Variants in LCOR observed in about 807,000 individuals in gnomAD.
LCOR encodes ligand-dependent corepressor.
In LCOR, 14 loss-of-function variants were observed where a neutral mutation model predicts 64.4. The observed-to-expected ratio is 0.22, with a 90% CI of 0.14 to 0.34. The LOEUF is 0.34. LCOR is among the 10% of genes least tolerant of loss of function. LCOR has a pLI of 1.00. For missense variants in LCOR, 1,686 were observed against 1,765.3 expected (o/e 0.96, Z 0.80); for synonymous variants, 643 against 642.5 (o/e 1.00, Z -0.01).
In LCOR at chr10:96,895,010, T is replaced by C. The variant is rs1000467151; in HGVS notation, c.-329-12255T>C. On this transcript the variant is annotated intron_variant, in intron 2 of 7. Coordinates refer to ENST00000421806, the MANE Select transcript of LCOR (RefSeq NM_001346516.2). ...TCTTTCTAATCTTTAAACATTGGAA[T>C]GCTCCAGTATTTGGTCCTGTTGCTT... is the stretch of plus-strand genomic sequence containing the variant. Among the ~76,000 whole-genome samples the C allele has an allele frequency of 2.1e-4, 32 of 152,240 alleles. 1 individual carries two copies.
chr10:96,958,373 T>A lies in LCOR; in HGVS notation c.332+6177T>A, dbSNP rs753719246. On this transcript the variant is annotated intron_variant, in intron 7 of 7. Coordinates refer to ENST00000421806, the MANE Select transcript of LCOR (RefSeq NM_001346516.2). ...TGTCATTGTAGTGTACATGGAGTGA[T>A]CATTTTACTAACATAAATATTTTCT... 1.0e-5 allele frequency: 16 copies of A among 1,531,450 alleles called. 1 individual carries two copies. In the South Asian group the frequency reaches 1.9e-4, roughly 18 times the overall value. 94.9% of individuals were successfully genotyped at this position (1,531,450 alleles called of 1,614,324 possible).
chr10:96,862,689 C>G (rs1845907032), intron 2 of LCOR, among the ~76,000 whole-genome samples: 1 of 152,184 alleles, frequency 6.6e-6, no homozygotes, highest in Admixed American at 6.5e-5. Context: ...CTTGGTCTTC[C>G]TGGTGGCCAG....
chr10:96,934,745 G>A (rs534450609), intron 4 of LCOR, among the ~76,000 whole-genome samples: 1 of 152,244 alleles, frequency 6.6e-6, no homozygotes, highest in South Asian at 2.1e-4. Flanking sequence ...GGGATTACAG[G>A]CATGCGCCAC....
chr10:96,920,463 T>TATATATGTGTATATATATGTATATTC (rs1847034760), intron 4 of LCOR, among the ~76,000 whole-genome samples: 1 of 114,726 alleles, frequency 8.7e-6, no homozygotes, highest in East Asian at 1.9e-4. Context: ...TGTATATTCA[T>TATATATGTGTATATATATGTATATTC]ATATGTGTAT....
chr10:96,867,854 A>C (rs925549483), intron 2 of LCOR, among the ~76,000 whole-genome samples: 3 of 152,128 alleles, frequency 2.0e-5, no homozygotes, highest in African/African-American at 7.2e-5. Context: ...GCCTACTGGA[A>C]TTTTAACAAC....
rs891481171 is a variant in LCOR at position 96,865,610 on chromosome 10, C to T, written c.-330+32131C>T. Among the ~76,000 whole-genome samples the T allele has an allele frequency of 2.0e-5, 3 of 152,084 alleles. No homozygotes were observed. The East Asian group carries it at 5.8e-4, about 29-fold the overall frequency. On this transcript the variant is annotated intron_variant, in intron 2 of 7. Coordinates refer to ENST00000421806, the MANE Select transcript of LCOR (RefSeq NM_001346516.2). The stretch of plus-strand genomic sequence containing the variant: ...CACTTCTGAGCCAGGCGCGGTGGCT[C>T]ACGCCTGTAATCCCAGCACTTTGGG...
At chr10:96,852,367 A>C (rs1229746999) in intron 2 of LCOR, among the ~76,000 whole-genome samples, 1 of 152,202 alleles carries the variant, frequency 6.6e-6, no homozygotes, top group Admixed American at 6.5e-5. Flanking sequence ...GGTTGCAGTG[A>C]GCTGAGATGC....
At chr10:96,933,461 A>G (rs1003569197) in intron 4 of LCOR, among the ~76,000 whole-genome samples, 1 of 152,236 alleles carries the variant, frequency 6.6e-6, no homozygotes, top group South Asian at 2.1e-4. Context: ...AAAAGAACAC[A>G]AGTCCCTGGT....
intron 4 of LCOR, among the ~76,000 whole-genome samples, chr10:96,943,197 G>A (rs2134513471): frequency 6.6e-6 from 1 of 152,304 alleles, no homozygotes; most frequent in Non-Finnish European, 1.5e-5. Flanking sequence ...CTGGGTTCAA[G>A]CGATTCTCAT....
chr10:96,979,126 G>C (rs891822837), intron 7 of LCOR, among the ~76,000 whole-genome samples: 2 of 152,196 alleles, frequency 1.3e-5, no homozygotes, highest in African/African-American at 4.8e-5. Context: ...GTTGTCTAGG[G>C]TCAGCCTTCC....
chr10:96,955,303 C>G (rs535752430), intron 7 of LCOR: 1 of 1,614,058 alleles, frequency 6.2e-7, no homozygotes, highest in South Asian at 1.1e-5. Context: ...GCAGAAAACT[C>G]TGCCTTTCCA....
rs755663998 is a variant in LCOR, at chr10:96,983,338, C to T, written c.2878C>T (p.His960Tyr). 10 of 1,614,054 alleles carry T rather than the reference C, an allele frequency of 6.2e-6. No individual in the cohort carries two copies. Among genetic ancestry groups the T allele is most frequent in the Non-Finnish European group, 7.6e-6 (9 of 1,180,044 alleles). Residue 960 changes from histidine (H) to tyrosine (Y), a missense_variant, in exon 8 of 8, where the codon CAT becomes TAT. His to Tyr is a moderately conservative substitution (Grantham distance 83, BLOSUM62 2). Coordinates refer to ENST00000421806, the MANE Select transcript of LCOR (RefSeq NM_001346516.2). The surrounding 1 kb of genome is among the most constrained non-coding windows in gnomAD (Gnocchi z 4.5). ...VQSKMDEKNA[H>Y]IPSESIACKR... is the part of the protein sequence containing the mutation. ...GTCTAAAATGGATGAGAAGAATGCT[C>T]ATATCCCCTCAGAAAGTATTGCTTG...
At chr10:96,969,243 CGTT>C (rs1331777004) in intron 7 of LCOR, among the ~76,000 whole-genome samples, 8 of 152,120 alleles carry the variant, frequency 5.3e-5, no homozygotes, top group African/African-American at 1.9e-4. Context: ...AGAGTGAGGT[CGTT>C]GTGTTCATAT....
At chr10:96,906,321 A>C (rs900918913) in intron 2 of LCOR, among the ~76,000 whole-genome samples, 5 of 152,214 alleles carry the variant, frequency 3.3e-5, no homozygotes, top group Admixed American at 2.0e-4. Flanking sequence ...CTGAGAGTGC[A>C]TATGGATTCA....
chr10:96,921,742 G>T (rs1011673687), intron 4 of LCOR, among the ~76,000 whole-genome samples: 6 of 152,232 alleles, frequency 3.9e-5, no homozygotes, highest in Non-Finnish European at 8.8e-5. Flanking sequence ...AGGATTACTG[G>T]TGTAAGCCAC....
chr10:96,966,430 G>A lies in LCOR; in HGVS notation c.332+14234G>A, dbSNP rs535769570. On this transcript the variant is annotated intron_variant, in intron 7 of 7. Transcript: ENST00000421806. ...TTTTTAGTAGAAACGGGGTTTCACC[G>A]TGTTAGCCAAGATGGTATCGATCTC... 7.9e-5 allele frequency among the ~76,000 whole-genome samples: 12 copies of A among 151,758 alleles called. No homozygotes were observed. The South Asian group carries it at 2.1e-3, about 26-fold the overall frequency.
intron 2 of LCOR, among the ~76,000 whole-genome samples, chr10:96,883,827 A>G (rs936139105): frequency 1.3e-5 from 2 of 152,118 alleles, no homozygotes; most frequent in East Asian, 3.8e-4. Flanking sequence ...TTTTTAATTA[A>G]TGAATTATTT....
At chr10:96,919,548 A>G (rs1482269966) in intron 4 of LCOR, among the ~76,000 whole-genome samples, 1 of 152,094 alleles carries the variant, frequency 6.6e-6, no homozygotes, top group African/African-American at 2.4e-5. Flanking sequence ...AACCATATTT[A>G]GGTGTACAAG....
chr10:96,975,095 C>T (rs1239332603), intron 7 of LCOR, among the ~76,000 whole-genome samples: 1 of 152,314 alleles, frequency 6.6e-6, no homozygotes, highest in Non-Finnish European at 1.5e-5. Context: ...TGCTTGAACC[C>T]GGGAGGTGGC....
Sources: allele counts gnomAD v4.1 joint callset (sites outside exome capture counted in the v4.1 genomes callset), GRCh38; gene constraint gnomAD v4.1.1; non-coding constraint Gnocchi (gnomAD v3.1); transcripts MANE v1.5; gene names NCBI Gene and HGNC (gene_info 2026-07-23, HGNC 2026-07-21).